The following CTNNA2 variants were observed in gnomAD, a reference collection of about 807,000 sequenced individuals.
The protein encoded by CTNNA2 is catenin alpha-2.
CTNNA2 carries 42 observed loss-of-function variants against 101.0 expected under a neutral mutation model. That is an observed-to-expected ratio of 0.42 (90% CI 0.32 to 0.54). CTNNA2 has a LOEUF of 0.54. Among genes scored for constraint, CTNNA2 ranks in the 20% least tolerant of loss-of-function variants. CTNNA2 has a pLI of 0.14. For synonymous variants in CTNNA2, 450 were observed against 456.4 expected (o/e 0.99, Z 0.18); for missense variants, 871 against 1,223.1 (o/e 0.71, Z 4.29).
upstream of CTNNA2, among the ~76,000 whole-genome samples, chr2:79,511,397 C>T (rs988785848): frequency 6.6e-6 from 1 of 152,194 alleles, no homozygotes; most frequent in Non-Finnish European, 1.5e-5. Flanking sequence ...ACTCTTTATA[C>T]CTTTTGGCAC....
chr2:80,568,566 C>T (rs934614437), intron 12 of CTNNA2, among the ~76,000 whole-genome samples: 135 of 149,424 alleles, frequency 9.0e-4, no homozygotes, highest in African/African-American at 3.1e-3. Flanking sequence ...TAATGGTGTG[C>T]GTGTGTGTGT....
chr2:80,396,843 C>T (rs13024242), intron 8 of CTNNA2, among the ~76,000 whole-genome samples: 5 of 152,204 alleles, frequency 3.3e-5, no homozygotes, highest in Non-Finnish European at 7.3e-5. Flanking sequence ...TTCACCCTTA[C>T]TAGCCACCAC....
chr2:79,879,710 G>C (rs1683280859), intron 6 of CTNNA2, among the ~76,000 whole-genome samples: 2 of 152,136 alleles, frequency 1.3e-5, no homozygotes, highest in African/African-American at 2.4e-5. Flanking sequence ...AGTTTAGGGA[G>C]TTTCTGGGCT....
intron 9 of CTNNA2, among the ~76,000 whole-genome samples, chr2:80,447,982 G>A (rs1350718400): frequency 2.0e-5 from 3 of 152,176 alleles, no homozygotes; most frequent in Non-Finnish European, 4.4e-5. Context: ...ACAATAGAAT[G>A]TTCTCCCGAA....
At chr2:80,061,833 G>A (rs1697620353) in intron 7 of CTNNA2, among the ~76,000 whole-genome samples, 1 of 152,194 alleles carries the variant, frequency 6.6e-6, no homozygotes, top group Non-Finnish European at 1.5e-5. Context: ...ATGAGTGAAT[G>A]AGGGAATGCA....
chr2:79,799,050 C>T (rs752775838), intron 3 of CTNNA2, among the ~76,000 whole-genome samples: 11 of 152,064 alleles, frequency 7.2e-5, no homozygotes, highest in Non-Finnish European at 1.6e-4. Flanking sequence ...TCTGGTGAGC[C>T]CCAGCCCAGA....
chr2:79,515,148 A>G (rs947682937), intron 1 of CTNNA2, among the ~76,000 whole-genome samples: 1 of 152,202 alleles, frequency 6.6e-6, no homozygotes, highest in African/African-American at 2.4e-5. Context: ...TCAGCCATGT[A>G]ACTAAAGCTT....
intron 7 of CTNNA2, among the ~76,000 whole-genome samples, chr2:80,057,877 C>T (rs1009434525): frequency 1.1e-4 from 16 of 152,100 alleles, no homozygotes; most frequent in African/African-American, 3.6e-4. Context: ...GAGGATCTTG[C>T]TATCCTAGCA....
intron 7 of CTNNA2, among the ~76,000 whole-genome samples, chr2:80,215,883 G>A (rs1300143147): frequency 6.6e-6 from 1 of 152,190 alleles, no homozygotes; most frequent in Non-Finnish European, 1.5e-5. Context: ...AGGCAGGCAG[G>A]CCTCCTTGAG....
rs1045396246 is a variant in CTNNA2 at position 80,064,819 on chromosome 2, T to C, written c.1056+155022T>C. Among the ~76,000 whole-genome samples the C allele has an allele frequency of 5.3e-5, 8 of 152,126 alleles. No homozygotes were observed. The South Asian group carries it at 1.2e-3, about 24-fold the overall frequency. ...ACAAGTCATGTGGCTAAGTATAGAA[T>C]TGAGGAGAAGAGAAATGAACTGTAC... On this transcript the variant is annotated intron_variant, in intron 7 of 18. Transcript: ENST00000402739.
chr2:79,378,482 A>G (rs77046887), intron 4 of CTNNA2, among the ~76,000 whole-genome samples: 2,567 of 152,302 alleles, frequency 0.017, 57 homozygotes, highest in African/African-American at 0.05. Context: ...GATAGCCACT[A>G]TTACATGCAT....
At chr2:80,060,287 C>T (rs923521609) in intron 7 of CTNNA2, among the ~76,000 whole-genome samples, 9 of 152,168 alleles carry the variant, frequency 5.9e-5, no homozygotes, top group African/African-American at 2.2e-4. Flanking sequence ...TTAAACTGGG[C>T]TCTCACCATA....
At position 80,497,080 on chromosome 2, in the gene CTNNA2, A is replaced by G. The variant is rs1375201768; in HGVS notation, c.1291-47902A>G. On this transcript the variant is annotated intron_variant, in intron 9 of 18. Coordinates refer to ENST00000402739, the MANE Select transcript of CTNNA2 (RefSeq NM_001282597.3). ...TGCATTTATTTTTCCTTTGAAGTAG[A>G]GCCCGAAAAGTTTTGCTGAAGAAAA... Among the ~76,000 whole-genome samples, 6 of 152,222 alleles carry G rather than the reference A, an allele frequency of 3.9e-5. 1 individual carries two copies. The highest frequency in any genetic ancestry group is 3.9e-4 in the Admixed American group (6 of 15,278).
intron 7 of CTNNA2, among the ~76,000 whole-genome samples, chr2:80,245,618 G>A (rs1244649455): frequency 6.6e-6 from 1 of 151,302 alleles, no homozygotes; most frequent in East Asian, 1.9e-4. Flanking sequence ...GTACATTCCT[G>A]CCCCTTCTCT....
At chr2:79,257,020 T>A (rs542919253) in intron 2 of CTNNA2, among the ~76,000 whole-genome samples, 7 of 152,186 alleles carry the variant, frequency 4.6e-5, no homozygotes, top group Non-Finnish European at 8.8e-5. Context: ...AGGTTCTGGA[T>A]CTATTTCGAA....
At chr2:79,925,800 G>A (rs559071569) in intron 7 of CTNNA2, among the ~76,000 whole-genome samples, 66 of 151,656 alleles carry the variant, frequency 4.4e-4, no homozygotes, top group Non-Finnish European at 7.2e-4. Flanking sequence ...ATGTAAAATT[G>A]TATTTGGAAA....
chr2:80,231,218 C>T (rs774119444), intron 7 of CTNNA2, among the ~76,000 whole-genome samples: 28 of 152,050 alleles, frequency 1.8e-4, no homozygotes, highest in Non-Finnish European at 3.4e-4. Flanking sequence ...AAGTCCTGAC[C>T]TCAGGTGATC....
rs117369683 is a variant in CTNNA2, at chr2:79,663,261, C to A, written c.102+11603C>A. Among the ~76,000 whole-genome samples the A allele has an allele frequency of 1.7e-4, 26 of 152,290 alleles. No homozygotes were observed. In the East Asian group the frequency reaches 4.4e-3, roughly 26 times the overall value. On this transcript the variant is annotated intron_variant, in intron 2 of 18. Transcript: ENST00000402739. The stretch of plus-strand genomic sequence containing the variant: ...CCACCAATCCCATTCTTACTCACTA[C>A]CTATACATTCTCTATTCGGCAACCA...
intron 3 of CTNNA2, among the ~76,000 whole-genome samples, chr2:79,316,942 T>C (rs1432418463): frequency 1.3e-5 from 2 of 152,020 alleles, no homozygotes; most frequent in African/African-American, 2.4e-5. Flanking sequence ...CTAAATGGAA[T>C]TGAAAAAAGC....
Sources: allele counts gnomAD v4.1 joint callset (sites outside exome capture counted in the v4.1 genomes callset), GRCh38; gene constraint gnomAD v4.1.1; transcripts MANE v1.5; gene names NCBI Gene and HGNC (gene_info 2026-07-23, HGNC 2026-07-21).